DTNBP1: variants seen among roughly 807,000 people sequenced by gnomAD.
DTNBP1 encodes dystrobrevin binding protein 1.
Under a neutral mutation model 42.8 loss-of-function variants are expected in DTNBP1, and 35 were observed. The ratio of observed to expected loss-of-function variants is 0.82; its 90% CI spans 0.63 to 1.09. The LOEUF (loss-of-function observed/expected upper bound fraction) is 1.09, where lower values mean the gene tolerates loss of function less well. DTNBP1 is among the 50% of genes least tolerant of loss of function. The pLI is 0.00. For missense variants in DTNBP1, 457 were observed against 424.2 expected (o/e 1.08, Z -0.68); for synonymous variants, 171 against 162.2 (o/e 1.05, Z -0.41).
intron 9 of DTNBP1, chr6:15,524,149 C>T (rs918205713): frequency 1.7e-4 from 232 of 1,404,298 alleles, no homozygotes; most frequent in Non-Finnish European, 2.1e-4. Context: ...GCCTGTCGCA[C>T]GAAGAGGGAA....
rs149932132 is a variant in DTNBP1, at chr6:15,641,451, G to T, written c.162-3647C>A. Among the ~76,000 whole-genome samples, 94 of 152,174 alleles carry T rather than the reference G, an allele frequency of 6.2e-4. 1 individual carries two copies. The highest frequency in any genetic ancestry group is 3.4e-3 in the Middle Eastern group (1 of 294). On this transcript the variant is annotated intron_variant, in intron 3 of 9. Coordinates refer to ENST00000344537, the MANE Select transcript of DTNBP1 (RefSeq NM_032122.5). ...AAGGACCTTGGAGCCCTGTGGAAAG[G>T]GTAGGTGGGAGTAGTTCTCTGCTCC...
At chr6:15,572,666 C>G (rs1775386916) in intron 7 of DTNBP1, among the ~76,000 whole-genome samples, 3 of 152,186 alleles carry the variant, frequency 2.0e-5, no homozygotes, top group African/African-American at 7.2e-5. Context: ...AACTGAGGCT[C>G]AGAGAGGTGA....
chr6:15,645,236 T>C (rs114584028), intron 3 of DTNBP1, among the ~76,000 whole-genome samples: 64 of 151,942 alleles, frequency 4.2e-4, no homozygotes, highest in African/African-American at 1.3e-3. Flanking sequence ...CAGAAAGAAA[T>C]TGAAATTCTG....
intron 7 of DTNBP1, among the ~76,000 whole-genome samples, chr6:15,570,925 T>C (rs1775312680): frequency 6.6e-6 from 1 of 152,194 alleles, no homozygotes; most frequent in African/African-American, 2.4e-5. Flanking sequence ...AAATATAACA[T>C]ATGGTTTAAC....
chr6:15,620,312 G>A (rs1485732009), intron 5 of DTNBP1, among the ~76,000 whole-genome samples: 2 of 152,140 alleles, frequency 1.3e-5, no homozygotes, highest in Non-Finnish European at 2.9e-5. Context: ...TGGTACATAA[G>A]GAGTTTATAT....
intron 7 of DTNBP1, among the ~76,000 whole-genome samples, chr6:15,554,736 T>C (rs1351801255): frequency 1.3e-5 from 2 of 151,666 alleles, no homozygotes; most frequent in East Asian, 3.8e-4. Flanking sequence ...TCATGCTCCT[T>C]CATGGGACTG....
At chr6:15,577,472 A>T (rs925264363) in intron 7 of DTNBP1, among the ~76,000 whole-genome samples, 1 of 152,254 alleles carries the variant, frequency 6.6e-6, no homozygotes, top group Non-Finnish European at 1.5e-5. Context: ...TGTGGGCAGC[A>T]CTGGCTGGAT....
chr6:15,629,835 T>G (rs1759581459), intron 4 of DTNBP1, among the ~76,000 whole-genome samples: 1 of 152,160 alleles, frequency 6.6e-6, no homozygotes. Context: ...AGTAAGCCTA[T>G]GCCCTTAATC....
At chr6:15,589,685 A>G (rs1056535750) in intron 7 of DTNBP1, among the ~76,000 whole-genome samples, 3 of 152,152 alleles carry the variant, frequency 2.0e-5, no homozygotes, top group Admixed American at 6.5e-5. Flanking sequence ...ACTTTTCCCT[A>G]TATTATCAGC....
chr6:15,650,119 G>C (rs904034816), intron 3 of DTNBP1, among the ~76,000 whole-genome samples: 1 of 152,122 alleles, frequency 6.6e-6, no homozygotes, highest in African/African-American at 2.4e-5. Flanking sequence ...AAGGAGAAAG[G>C]AAAATGTAGG....
intron 1 of DTNBP1, among the ~76,000 whole-genome samples, chr6:15,654,535 T>A (rs1412445707): frequency 6.6e-6 from 1 of 152,202 alleles, no homozygotes; most frequent in African/African-American, 2.4e-5. Flanking sequence ...GTATTTCAAC[T>A]ATTTATTTCT....
intron 9 of DTNBP1, 148 bp from the exon 10 acceptor site, chr6:15,523,367 C>A: frequency 7.5e-7 from 1 of 1,325,374 alleles, no homozygotes; most frequent in Non-Finnish European, 1.0e-6. Flanking sequence ...TGGGAACTGC[C>A]CTGGAAGACA....
chr6:15,570,201 C>T (rs1775282774), intron 7 of DTNBP1, among the ~76,000 whole-genome samples: 1 of 152,044 alleles, frequency 6.6e-6, no homozygotes, highest in Non-Finnish European at 1.5e-5. Context: ...TTTACCCACA[C>T]TCATCAAAGC....
intron 7 of DTNBP1, among the ~76,000 whole-genome samples, chr6:15,571,721 T>A (rs983587253): frequency 6.6e-6 from 1 of 152,188 alleles, no homozygotes; most frequent in African/African-American, 2.4e-5. Context: ...CTATTGACTG[T>A]CTTCCAGCTG....
intron 3 of DTNBP1, among the ~76,000 whole-genome samples, chr6:15,638,988 A>C (rs1430521965): frequency 6.6e-6 from 1 of 152,146 alleles, no homozygotes; most frequent in Non-Finnish European, 1.5e-5. Flanking sequence ...ATGAGCCACG[A>C]TGCCCAGCCT....
At chr6:15,631,853 C>T (rs1168187750) in intron 4 of DTNBP1, among the ~76,000 whole-genome samples, 6 of 152,158 alleles carry the variant, frequency 3.9e-5, no homozygotes, top group African/African-American at 1.4e-4. Flanking sequence ...TTTTTTCTAA[C>T]GTGATTGTTC....
intron 5 of DTNBP1, among the ~76,000 whole-genome samples, chr6:15,623,349 C>T (rs903222036): frequency 3.9e-5 from 6 of 152,202 alleles, no homozygotes; most frequent in African/African-American, 7.2e-5. Context: ...CAGTATACGG[C>T]TGCTATTCTC....
chr6:15,578,352 A>G (rs1352810276), intron 7 of DTNBP1, among the ~76,000 whole-genome samples: 4 of 152,242 alleles, frequency 2.6e-5, no homozygotes, highest in African/African-American at 9.6e-5. Context: ...CCTAGTGCGC[A>G]GAGGGGAATG....
chr6:15,638,706 G>C (rs944596682), intron 3 of DTNBP1, among the ~76,000 whole-genome samples: 2 of 152,216 alleles, frequency 1.3e-5, no homozygotes, highest in East Asian at 3.9e-4. Flanking sequence ...TGTGCCTCCT[G>C]ATGTGATGCA....
Sources: allele counts gnomAD v4.1 joint callset (sites outside exome capture counted in the v4.1 genomes callset), GRCh38; gene constraint gnomAD v4.1.1; transcripts MANE v1.5; gene names NCBI Gene and HGNC (gene_info 2026-07-23, HGNC 2026-07-21).